CSMD3: variants seen among roughly 807,000 people sequenced by gnomAD.
The protein encoded by CSMD3 is CUB and Sushi multiple domains 3.
Under a neutral mutation model 435.2 loss-of-function variants are expected in CSMD3, and 177 were observed. The observed-to-expected ratio is 0.41, with a 90% CI of 0.36 to 0.46. CSMD3 has a LOEUF of 0.46. Among genes scored for constraint, CSMD3 ranks in the 20% least tolerant of loss-of-function variants. CSMD3 has a pLI of 0.34. For synonymous variants in CSMD3, 1,656 were observed against 1,520.5 expected (o/e 1.09, Z -2.07); for missense variants, 4,265 against 4,504.6 (o/e 0.95, Z 1.52).
chr8:112,711,760 T>C (rs1450989426), intron 13 of CSMD3, among the ~76,000 whole-genome samples: 2 of 152,172 alleles, frequency 1.3e-5, no homozygotes, highest in Non-Finnish European at 2.9e-5. Context: ...TATGTGTTTA[T>C]GTATTTTTTT....
At chr8:113,037,702 T>A (rs1564239781) in intron 5 of CSMD3, among the ~76,000 whole-genome samples, 2 of 152,044 alleles carry the variant, frequency 1.3e-5, no homozygotes, top group Non-Finnish European at 2.9e-5. Context: ...TCAATATCTA[T>A]CAAACCCCAA....
At chr8:112,637,530 C>T (rs566807667) in intron 21 of CSMD3, among the ~76,000 whole-genome samples, 1 of 152,044 alleles carries the variant, frequency 6.6e-6, no homozygotes, top group South Asian at 2.1e-4. Context: ...GAAGTGACCA[C>T]ACATTGAAAA....
In CSMD3 at chr8:112,418,074, C is replaced by A. The variant is rs557346598; in HGVS notation, c.5396-9042G>T. On this transcript the variant is annotated intron_variant, in intron 32 of 70. Coordinates refer to ENST00000297405, the MANE Select transcript of CSMD3 (RefSeq NM_198123.2). The stretch of plus-strand genomic sequence containing the variant: ...AATTTTCATTTTATTACCAACACAG[C>A]ACAGATGAAAATGCACATGTGCATC... Among the ~76,000 whole-genome samples the A allele has an allele frequency of 1.1e-4, 17 of 152,198 alleles. No homozygotes were observed. In the East Asian group the frequency reaches 2.7e-3, roughly 24 times the overall value.
chr8:113,137,516 T>C (rs761415878), intron 4 of CSMD3, among the ~76,000 whole-genome samples: 1 of 151,672 alleles, frequency 6.6e-6, no homozygotes, highest in African/African-American at 2.4e-5. Flanking sequence ...TAGAAATTTA[T>C]TTCCCATAGT....
chr8:112,890,099 A>G (rs2081738620), intron 10 of CSMD3, among the ~76,000 whole-genome samples: 1 of 151,660 alleles, frequency 6.6e-6, no homozygotes, highest in South Asian at 2.1e-4. Flanking sequence ...GTGTCACAGT[A>G]GTATACTGTA....
rs1173717176 is a variant in CSMD3 at position 112,913,782 on chromosome 8, A to G, written c.1633+7845T>C. Among the ~76,000 whole-genome samples, 7 of 149,588 alleles carry G rather than the reference A, an allele frequency of 4.7e-5. No individual in the cohort carries two copies. The East Asian group carries it at 5.9e-4, about 13-fold the overall frequency. Reference sequence around the variant, plus strand: ...TATCTTTAATGTCTTACATTTTTCAATCTCTATGTCTGTCTTTCTTTCTGT... The same window carrying G: ...TATCTTTAATGTCTTACATTTTTCAGTCTCTATGTCTGTCTTTCTTTCTGT... On this transcript the variant is annotated intron_variant, in intron 10 of 70. Coordinates refer to ENST00000297405, the MANE Select transcript of CSMD3 (RefSeq NM_198123.2).
chr8:112,484,915 C>G (rs1302839964), intron 31 of CSMD3, among the ~76,000 whole-genome samples: 1 of 151,968 alleles, frequency 6.6e-6, no homozygotes, highest in African/African-American at 2.4e-5. Context: ...AACTCCAGTC[C>G]AAGCATTGTG....
chr8:112,921,079 G>A (rs935710227), intron 10 of CSMD3, among the ~76,000 whole-genome samples: 4 of 143,382 alleles, frequency 2.8e-5, no homozygotes, highest in African/African-American at 7.7e-5. Context: ...ATATACATAT[G>A]TATATCTTAC....
At chr8:112,825,957 C>G (rs1030012591) in intron 12 of CSMD3, among the ~76,000 whole-genome samples, 2 of 152,134 alleles carry the variant, frequency 1.3e-5, no homozygotes, top group African/African-American at 4.8e-5. Flanking sequence ...TCTGCTGGTC[C>G]CTGGAGACTG....
In CSMD3 at chr8:112,683,211, C is replaced by T. The variant is rs182641474; in HGVS notation, c.2483-575G>A. Among the ~76,000 whole-genome samples the T allele has an allele frequency of 1.3e-4, 19 of 151,934 alleles. No homozygotes were observed. In the East Asian group the frequency reaches 3.1e-3, roughly 25 times the overall value. On this transcript the variant is annotated intron_variant, in intron 15 of 70. Transcript: ENST00000297405. The stretch of plus-strand genomic sequence containing the variant: ...TTAATTCTTTCGCAATTACCATGTT[C>T]CAAGCACTGTGATATGTTATTATCT...
intron 1 of CSMD3, among the ~76,000 whole-genome samples, chr8:113,348,092 AAAG>A (rs1420275238): frequency 2.6e-5 from 4 of 152,186 alleles, no homozygotes; most frequent in South Asian, 2.1e-4. Flanking sequence ...GAAAATAAGA[AAAG>A]AAGATGAGAG....
At chr8:112,554,099 T>G (rs973775827) in intron 25 of CSMD3, among the ~76,000 whole-genome samples, 2 of 151,992 alleles carry the variant, frequency 1.3e-5, no homozygotes, top group African/African-American at 2.4e-5. Context: ...ACTTGCCCTA[T>G]GGACTTTGGA....
chr8:112,931,924 T>A (rs1055186893), intron 9 of CSMD3, among the ~76,000 whole-genome samples: 2 of 152,110 alleles, frequency 1.3e-5, no homozygotes, highest in African/African-American at 4.8e-5. Context: ...AGAAGGGCTA[T>A]TACCATAAAG....
At chr8:112,406,429 T>C (rs1477260728) in intron 35 of CSMD3, 95 bp downstream of exon 35, 5 of 668,268 alleles carry the variant, frequency 7.5e-6, no homozygotes, top group Non-Finnish European at 1.3e-5. Flanking sequence ...ATTAAGTACA[T>C]AATTATTAGA....
At chr8:112,625,193 G>A (rs1046346135) in intron 22 of CSMD3, among the ~76,000 whole-genome samples, 3 of 152,014 alleles carry the variant, frequency 2.0e-5, no homozygotes, top group African/African-American at 7.2e-5. Flanking sequence ...CTAGTCAGTG[G>A]AGTGTAATTA....
intron 10 of CSMD3, among the ~76,000 whole-genome samples, chr8:112,891,107 G>A (rs571741578): frequency 6.6e-6 from 1 of 151,612 alleles, no homozygotes; most frequent in Admixed American, 6.6e-5. Context: ...TTGTTCCAAA[G>A]CCACACGACA....
intron 4 of CSMD3, among the ~76,000 whole-genome samples, chr8:113,150,978 T>TA (rs1187447252): frequency 6.6e-6 from 1 of 151,954 alleles, no homozygotes; most frequent in African/African-American, 2.4e-5. Flanking sequence ...TAGGATTTCA[T>TA]AAAATCATAA....
chr8:112,573,707 T>C (rs779872786), intron 23 of CSMD3, 50 bp from the exon 24 acceptor site: 2 of 1,353,194 alleles, frequency 1.5e-6, no homozygotes, highest in East Asian at 2.4e-5. Flanking sequence ...TAATAATCAA[T>C]TCAGAGCATG....
chr8:112,833,562 C>T (rs1463405193), intron 11 of CSMD3, among the ~76,000 whole-genome samples: 1 of 151,820 alleles, frequency 6.6e-6, no homozygotes, highest in African/African-American at 2.4e-5. Context: ...TCTTCCTTTC[C>T]AAATTATGTA....
Sources: gnomAD v4.1 joint callset for allele counts (sites outside exome capture counted in the v4.1 genomes callset) on GRCh38, gnomAD v4.1.1 for gene constraint, MANE v1.5 for transcripts, NCBI Gene and HGNC (gene_info 2026-07-23, HGNC 2026-07-21) for gene names.